RFC3: variants seen among roughly 807,000 people sequenced by gnomAD.
The protein encoded by RFC3 is A1 38 kDa subunit.
Under a neutral mutation model 45.1 loss-of-function variants are expected in RFC3, and 41 were observed. That is an observed-to-expected ratio of 0.91 (90% CI 0.71 to 1.18). The LOEUF (loss-of-function observed/expected upper bound fraction) is 1.18, where lower values mean the gene tolerates loss of function less well. Ranked by LOEUF, RFC3 falls within the 50% of genes most tolerant of loss-of-function variation. The pLI, the probability that RFC3 is intolerant of heterozygous loss-of-function variation, is 0.00. For missense variants in RFC3, 423 were observed against 428.1 expected, an observed-to-expected ratio of 0.99 and a Z score of 0.10; for synonymous variants, 149 against 144.0, an observed-to-expected ratio of 1.03 and a Z score of -0.25.
At chr13:33,965,039 A>G (rs2026750) in intron 8 of RFC3, among the ~76,000 whole-genome samples, 142,663 of 152,194 alleles carry the variant, frequency 0.94, 67,527 homozygotes, top group East Asian at 1. Flanking sequence ...TCTCTGGGGG[A>G]AAGTCTGGCC....
intron 3 of RFC3, 51 bp from the exon 4 acceptor site, chr13:33,825,738 T>C (rs372597937): frequency 3.0e-5 from 30 of 998,632 alleles, no homozygotes; most frequent in Non-Finnish European, 4.1e-5. Context: ...ATTTTTCTTA[T>C]AATAACAATA....
intron 8 of RFC3, among the ~76,000 whole-genome samples, chr13:33,863,139 T>C (rs558520440): frequency 1.3e-5 from 2 of 152,346 alleles, no homozygotes; most frequent in African/African-American, 2.4e-5. Context: ...CTTCCAGTCA[T>C]AAAGTGCCTT....
intron 1 of RFC3, 148 bp downstream of exon 1, chr13:33,818,413 G>A: frequency 4.9e-6 from 3 of 615,744 alleles, no homozygotes; most frequent in South Asian, 2.0e-5. Context: ...GGGAAGAGGT[G>A]TGGGAGGCTG....
At position 33,854,153 on chromosome 13, in the gene RFC3, A is replaced by G. The variant is rs555584217; in HGVS notation, c.879+18936A>G. Among the ~76,000 whole-genome samples, 10 of 152,292 alleles carry G rather than the reference A, an allele frequency of 6.6e-5. No homozygotes were observed. The East Asian group carries it at 1.9e-3, about 29-fold the overall frequency. On this transcript the variant is annotated intron_variant, in intron 8 of 8. Coordinates refer to the RFC3 transcript ENST00000434425. ...TGATGGAAGAATCTCTCTTGGGGAG[A>G]TTATCCATGTCATTGAGAGTATGGT... is the stretch of plus-strand genomic sequence containing the variant.
intron 1 of RFC3, among the ~76,000 whole-genome samples, chr13:33,819,135 G>T (rs554884321): frequency 1.3e-5 from 2 of 151,964 alleles, no homozygotes; most frequent in South Asian, 2.1e-4. Flanking sequence ...CAGGTGATCC[G>T]CCTGCCTCGG....
intron 8 of RFC3, among the ~76,000 whole-genome samples, chr13:33,861,725 G>C (rs953340345): frequency 6.6e-6 from 1 of 151,846 alleles, no homozygotes; most frequent in Non-Finnish European, 1.5e-5. Flanking sequence ...CAATGGCAAG[G>C]AGGTAGTTCA....
rs3135600 is a variant in RFC3 at position 33,830,609 on chromosome 13, A to G, written c.574-110A>G. ...GTTACTTTTAGTGTAAGTTTCACTTATAAGAATTTTGAGAGTAATACAGTT... is the reference window on the plus strand; with the variant it reads ...GTTACTTTTAGTGTAAGTTTCACTTGTAAGAATTTTGAGAGTAATACAGTT... On this transcript the variant is annotated intron_variant, in intron 5 of 8. Transcript: ENST00000380071. 9.1e-3 allele frequency: 6,906 copies of G among 762,900 alleles called. 57 individuals carry two copies. Among genetic ancestry groups the G allele is most frequent in the Non-Finnish European group, 0.01 (5,293 of 507,054 alleles). 47.3% of individuals were successfully genotyped at this position (762,900 alleles called of 1,614,324 possible). A position where few individuals can be genotyped will look rare whatever the true frequency, so the allele number is the denominator to read the frequency against.
At chr13:33,968,946 G>A (rs1253312071), downstream of RFC3, among the ~76,000 whole-genome samples, 3 of 152,148 alleles carry the variant, frequency 2.0e-5, no homozygotes, top group South Asian at 2.1e-4. Context: ...CCGGCATTGT[G>A]TTGACTTTAC....
the RFC3 span, among the ~76,000 whole-genome samples, chr13:33,973,643 C>T: frequency 1.0e-4 from 14 of 140,402 alleles, no homozygotes; most frequent in South Asian, 3.2e-3. Context: ...CCCTCTCCCT[C>T]TTCTTCTTCT....
rs560298619 is a variant in RFC3 at position 33,901,745 on chromosome 13, C to CATTG, written c.880-64338_880-64335dup. On this transcript the variant is annotated intron_variant, in intron 8 of 8. Coordinates refer to the RFC3 transcript ENST00000434425. ...TTTAAGGTGATGGTTATCCCATGTA[C>CATTG]ATTGATTTGATCTTTACATGAAAGT... Among the ~76,000 whole-genome samples the CATTG allele has an allele frequency of 1.3e-3, 204 of 152,110 alleles. 1 individual carries two copies. Among genetic ancestry groups the CATTG allele is most frequent in the African/African-American group, 4.8e-3 (199 of 41,522 alleles).
chr13:33,941,364 T>C (rs1271445923), intron 8 of RFC3, among the ~76,000 whole-genome samples: 2 of 152,290 alleles, frequency 1.3e-5, no homozygotes, highest in East Asian at 3.9e-4. Flanking sequence ...CTTTATTCCT[T>C]CTTGCATTTT....
Position 33,836,287 on chromosome 13 carries a change from ATGT to A in RFC3, c.1065_1067del (p.Met355_Phe356delinsIle). 2 of 1,612,768 alleles carry A rather than the reference ATGT, an allele frequency of 1.2e-6. No homozygotes were observed. Among genetic ancestry groups the A allele is most frequent in the Non-Finnish European group, 1.7e-6 (2 of 1,178,968 alleles). On this transcript the variant is annotated inframe_deletion, in exon 9 of 9. Transcript: ENST00000380071. ...CATGGAGGATGGATTGGAAGGCATG[ATGT>A]TCTGACTTCTGTCAGTTATTCTTGC...
At chr13:33,886,785 T>G (rs4943166) in intron 8 of RFC3, among the ~76,000 whole-genome samples, 1,685 of 82,134 alleles carry the variant, frequency 0.021, 46 homozygotes, top group African/African-American at 0.071. Flanking sequence ...CCCTCCCCCC[T>G]CCCCCCACCC....
chr13:33,928,368 A>G (rs2082829274), intron 8 of RFC3, among the ~76,000 whole-genome samples: 1 of 152,162 alleles, frequency 6.6e-6, no homozygotes, highest in Non-Finnish European at 1.5e-5. Flanking sequence ...TACCTGCTAC[A>G]AATGTGAGTC....
chr13:33,901,094 A>G (rs905279288), intron 8 of RFC3, among the ~76,000 whole-genome samples: 1 of 151,952 alleles, frequency 6.6e-6, no homozygotes, highest in Admixed American at 6.6e-5. Context: ...CTGCCGGTGG[A>G]AATGTAAATT....
downstream of RFC3, among the ~76,000 whole-genome samples, chr13:33,842,225 C>G (rs1461049934): frequency 6.6e-6 from 1 of 151,692 alleles, no homozygotes; most frequent in Admixed American, 6.6e-5. Context: ...GAAGTTGAAG[C>G]TGCAATGGGC....
chr13:33,930,003 A>G (rs1188307265), intron 8 of RFC3, among the ~76,000 whole-genome samples: 1 of 152,066 alleles, frequency 6.6e-6, no homozygotes, highest in Non-Finnish European at 1.5e-5. Context: ...TATTTTTAGC[A>G]TTGAGTGTTA....
At chr13:33,907,458 A>G (rs1370898468) in intron 8 of RFC3, among the ~76,000 whole-genome samples, 2 of 152,100 alleles carry the variant, frequency 1.3e-5, no homozygotes, top group Non-Finnish European at 2.9e-5. Flanking sequence ...TTAATTGTGA[A>G]TGTAGCTTAT....
chr13:33,885,374 C>T (rs1046095301), intron 8 of RFC3, among the ~76,000 whole-genome samples: 17 of 152,054 alleles, frequency 1.1e-4, no homozygotes, highest in African/African-American at 3.4e-4. Context: ...AGTACAAGTA[C>T]GGTTTTGTTA....
Sources: allele counts gnomAD v4.1 joint callset (sites outside exome capture counted in the v4.1 genomes callset), GRCh38; gene constraint gnomAD v4.1.1; transcripts MANE v1.5; gene names NCBI Gene and HGNC (gene_info 2026-07-23, HGNC 2026-07-21).